EXOSC7: variants seen among roughly 807,000 people sequenced by gnomAD.
EXOSC7 encodes exosome complex component RRP42.
Under a neutral mutation model 34.3 loss-of-function variants are expected in EXOSC7, and 25 were observed. The observed-to-expected ratio is 0.73, with a 90% CI of 0.53 to 1.02. The LOEUF (loss-of-function observed/expected upper bound fraction) is 1.02. Among genes scored for constraint, EXOSC7 ranks in the 50% least tolerant of loss-of-function variants. The pLI, the probability that EXOSC7 is intolerant of heterozygous loss-of-function variation, is 0.00. For synonymous variants in EXOSC7, 130 were observed against 143.0 expected, an observed-to-expected ratio of 0.91 and a Z score of 0.65; for missense variants, 370 against 368.5, an observed-to-expected ratio of 1.00 and a Z score of -0.03.
chr3:45,009,468 A>G (rs1396783003), intron 7 of EXOSC7, among the ~76,000 whole-genome samples: 2 of 151,760 alleles, frequency 1.3e-5, no homozygotes, highest in African/African-American at 2.4e-5. Flanking sequence ...CCCCACCCTC[A>G]TGTATATGAA....
chr3:44,983,172 G>A (rs537059853), intron 1 of EXOSC7, among the ~76,000 whole-genome samples: 22 of 152,250 alleles, frequency 1.4e-4, no homozygotes, highest in African/African-American at 5.3e-4. Flanking sequence ...TGGGTGTGAG[G>A]GAAAGTAGGT....
At chr3:44,986,402 G>T (rs1452388201) in intron 1 of EXOSC7, among the ~76,000 whole-genome samples, 6 of 152,152 alleles carry the variant, frequency 3.9e-5, no homozygotes, top group African/African-American at 1.4e-4. Context: ...ACACCCACCC[G>T]CTGAGCCCAT....
At chr3:44,981,791 C>T (rs1706276298) in intron 1 of EXOSC7, among the ~76,000 whole-genome samples, 1 of 152,100 alleles carries the variant, frequency 6.6e-6, no homozygotes, top group Non-Finnish European at 1.5e-5. Flanking sequence ...GCCTGTAGGC[C>T]TAGCTGCTTG....
intron 3 of EXOSC7, 84 bp from the exon 4 acceptor site, chr3:44,997,003 C>T: frequency 1.4e-6 from 2 of 1,399,044 alleles, no homozygotes; most frequent in African/African-American, 1.4e-5. Context: ...CAGCATTCTA[C>T]AGGGAAACTG....
chr3:45,007,578 G>A lies in EXOSC7; in HGVS notation c.771+3G>A, dbSNP rs1348363338. ...AGAGCATCTTCGAGATGATGGAGGT[G>A]AGGCCTTAGTTCTGAGGAAGGTGCA... On this transcript the variant is annotated splice_donor_region_variant and intron_variant, in intron 7 of 7. Coordinates refer to ENST00000265564, the MANE Select transcript of EXOSC7 (RefSeq NM_015004.4). The A allele has an allele frequency of 6.2e-7, 1 of 1,602,390 alleles. No homozygotes were observed. Among genetic ancestry groups the A allele is most frequent in the Admixed American group, 1.7e-5 (1 of 59,256 alleles).
At chr3:44,992,001 G>A (rs62243360) in intron 3 of EXOSC7, among the ~76,000 whole-genome samples, 36,774 of 152,164 alleles carry the variant, frequency 0.24, 6,173 homozygotes, top group East Asian at 0.76. Context: ...AGGTTACCAA[G>A]CACTGATCGC....
chr3:44,986,876 C>T (rs181803866), intron 1 of EXOSC7, among the ~76,000 whole-genome samples: 239 of 152,174 alleles, frequency 1.6e-3, no homozygotes, highest in South Asian at 3.1e-3. Flanking sequence ...ATGCAGTTAG[C>T]CAGGCAGTTT....
chr3:44,982,503 T>C (rs1264604824), intron 1 of EXOSC7, among the ~76,000 whole-genome samples: 1 of 152,210 alleles, frequency 6.6e-6, no homozygotes, highest in Admixed American at 6.5e-5. Context: ...CTTGGAACCC[T>C]GTGAAAGCCA....
chr3:44,978,246 C>T (rs1706176960), intron 1 of EXOSC7, among the ~76,000 whole-genome samples: 1 of 152,160 alleles, frequency 6.6e-6, no homozygotes, highest in African/African-American at 2.4e-5. Flanking sequence ...ATTGCTTGAG[C>T]CTAGGAGTTT....
intron 3 of EXOSC7, among the ~76,000 whole-genome samples, chr3:44,992,186 G>A (rs1280487447): frequency 6.6e-6 from 1 of 152,186 alleles, no homozygotes; most frequent in Non-Finnish European, 1.5e-5. Context: ...TCCAGGCATA[G>A]GGCCTCTGCT....
At chr3:44,986,285 G>T (rs969789202) in intron 1 of EXOSC7, among the ~76,000 whole-genome samples, 1 of 152,222 alleles carries the variant, frequency 6.6e-6, no homozygotes, top group East Asian at 1.9e-4. Flanking sequence ...TGGGAAGGCA[G>T]CTAAGGCCCA....
intron 3 of EXOSC7, among the ~76,000 whole-genome samples, chr3:44,993,524 C>T (rs1467319156): frequency 1.3e-5 from 2 of 151,904 alleles, no homozygotes; most frequent in African/African-American, 4.8e-5. Flanking sequence ...TCTCAGCCTA[C>T]CCCAGTTAAA....
chr3:45,008,662 A>G (rs1033312788), intron 7 of EXOSC7, among the ~76,000 whole-genome samples: 9 of 152,216 alleles, frequency 5.9e-5, no homozygotes, highest in Non-Finnish European at 7.3e-5. Flanking sequence ...AGTGCCTGAT[A>G]TGTCATCAGT....
chr3:44,985,483 C>T (rs1292652262), intron 1 of EXOSC7, among the ~76,000 whole-genome samples: 4 of 151,950 alleles, frequency 2.6e-5, no homozygotes, highest in Non-Finnish European at 5.9e-5. Flanking sequence ...TTCGTGGTCT[C>T]GCTGGCTCAG....
intron 6 of EXOSC7, among the ~76,000 whole-genome samples, chr3:45,006,980 T>C (rs4683022): frequency 0.59 from 89,403 of 151,796 alleles, 27,176 homozygotes; most frequent in East Asian, 0.89. Context: ...TTTCCTCAGC[T>C]TCCCAAAGTG....
chr3:44,996,968 C>CT, intron 3 of EXOSC7, 119 bp from the exon 4 acceptor site: 1 of 1,018,332 alleles, frequency 9.8e-7, no homozygotes. Flanking sequence ...ATCTCAGTGA[C>CT]TTTCTGTCGA....
chr3:45,008,689 C>T (rs1233692299), intron 7 of EXOSC7, among the ~76,000 whole-genome samples: 2 of 152,204 alleles, frequency 1.3e-5, no homozygotes, highest in Non-Finnish European at 2.9e-5. Flanking sequence ...CTAATGGCAG[C>T]TCTTATTCTC....
intron 1 of EXOSC7, among the ~76,000 whole-genome samples, chr3:44,982,719 A>G (rs939308): frequency 0.98 from 149,800 of 152,334 alleles, 73,708 homozygotes; most frequent in Middle Eastern, 1. Flanking sequence ...AATTGGAGCC[A>G]GCCCTCAGGA....
chr3:44,998,800 A>G (rs1706796735), intron 4 of EXOSC7, among the ~76,000 whole-genome samples: 1 of 152,198 alleles, frequency 6.6e-6, no homozygotes, highest in Non-Finnish European at 1.5e-5. Context: ...ACCTTGTAGT[A>G]TGATTCCTAC....
Sources: allele counts gnomAD v4.1 joint callset (sites outside exome capture counted in the v4.1 genomes callset), GRCh38; gene constraint gnomAD v4.1.1; transcripts MANE v1.5; gene names NCBI Gene and HGNC (gene_info 2026-07-23, HGNC 2026-07-21).